The following SUMF1 variants were observed in gnomAD, a reference collection of about 807,000 sequenced individuals.
SUMF1 encodes the protein formylglycine-generating enzyme.
A neutral mutation model predicts 47.6 loss-of-function variants in SUMF1; 48 were observed. The ratio of observed to expected loss-of-function variants is 1.01; its 90% CI spans 0.80 to 1.28. SUMF1 has a LOEUF of 1.28. Ranked by LOEUF, SUMF1 falls within the 50% of genes most tolerant of loss-of-function variation. SUMF1 has a pLI of 0.00. For synonymous variants in SUMF1, 230 were observed against 192.1 expected, an observed-to-expected ratio of 1.20 and a Z score of -1.63; for missense variants, 571 against 485.4, an observed-to-expected ratio of 1.18 and a Z score of -1.66.
chr3:4,139,590 A>G (rs1042046701), intron 8 of SUMF1, among the ~76,000 whole-genome samples: 7 of 149,376 alleles, frequency 4.7e-5, no homozygotes, highest in African/African-American at 1.0e-4. Context: ...GTATATATAT[A>G]CACACACACA....
intron 8 of SUMF1, among the ~76,000 whole-genome samples, chr3:4,232,440 G>A (rs920276982): frequency 6.6e-6 from 1 of 152,070 alleles, no homozygotes; most frequent in Non-Finnish European, 1.5e-5. Flanking sequence ...AGTCCCCTGT[G>A]AGCCAAGAGA....
At chr3:4,456,745 CAT>C (rs1306983709) in intron 1 of SUMF1, among the ~76,000 whole-genome samples, 1 of 12,596 alleles carries the variant, frequency 7.9e-5, no homozygotes, top group East Asian at 1.2e-3. Context: ...TATATACACA[CAT>C]ATATACGTGT....
At chr3:4,161,196 G>C (rs1425110988) in intron 8 of SUMF1, among the ~76,000 whole-genome samples, 1 of 152,104 alleles carries the variant, frequency 6.6e-6, no homozygotes, top group African/African-American at 2.4e-5. Context: ...CTCTCTTTGT[G>C]CTGTGCTGCC....
intron 8 of SUMF1, among the ~76,000 whole-genome samples, chr3:4,283,320 A>C (rs1697565793): frequency 6.6e-6 from 1 of 152,212 alleles, no homozygotes; most frequent in Non-Finnish European, 1.5e-5. Context: ...ATTGTTGTTA[A>C]AAAAGAACTA....
At chr3:4,175,698 G>A (rs1213115910) in intron 8 of SUMF1, among the ~76,000 whole-genome samples, 1 of 152,148 alleles carries the variant, frequency 6.6e-6, no homozygotes, top group Non-Finnish European at 1.5e-5. Flanking sequence ...TTGACAGGAT[G>A]ACAGAAGTAG....
At chr3:4,280,814 CGTGTGTGTGTGTGTGT>C (rs56919301) in intron 8 of SUMF1, among the ~76,000 whole-genome samples, 7,288 of 138,012 alleles carry the variant, frequency 0.053, 346 homozygotes, top group East Asian at 0.22. Context: ...TGGCATTCAC[CGTGTGTGTGTGTGTGT>C]GTGTGTGTGT....
At chr3:4,357,030 G>A (rs1381936391), downstream of SUMF1, among the ~76,000 whole-genome samples, 2 of 152,118 alleles carry the variant, frequency 1.3e-5, no homozygotes, top group Non-Finnish European at 2.9e-5. Flanking sequence ...CAAAGACACT[G>A]CCCACCTTAA....
At chr3:4,196,299 T>C (rs1574969085) in intron 8 of SUMF1, among the ~76,000 whole-genome samples, 1 of 152,092 alleles carries the variant, frequency 6.6e-6, no homozygotes, top group South Asian at 2.1e-4. Context: ...GTGGTACTTA[T>C]TGAGGAGTCT....
Position 4,242,649 on chromosome 3 carries a change from T to C in SUMF1, c.1014+133681A>G, listed in dbSNP as rs6776676. On this transcript the variant is annotated intron_variant and NMD_transcript_variant, in intron 8 of 12. Transcript: ENST00000448413. The stretch of plus-strand genomic sequence containing the variant: ...CACTTGATCATGGTGGATAAGCTTT[T>C]TGATGTGCTGCTGGATTCAGTTTGC... Among the ~76,000 whole-genome samples, 452 of 152,320 alleles carry C rather than the reference T, an allele frequency of 3.0e-3. 5 individuals carry two copies. The highest frequency in any genetic ancestry group is 0.01 in the African/African-American group (427 of 41,568).
intron 6 of SUMF1, among the ~76,000 whole-genome samples, chr3:4,416,463 G>A (rs200521304): frequency 1.3e-5 from 2 of 152,182 alleles, no homozygotes; most frequent in East Asian, 3.8e-4. Flanking sequence ...TTTAAATACT[G>A]TATCCAGTCT....
At chr3:4,303,993 T>C in intron 8 of SUMF1, 1 of 536,562 alleles carries the variant, frequency 1.9e-6, no homozygotes, top group Non-Finnish European at 2.8e-6. Context: ...GTAAATTAGC[T>C]GTGGCTCAGC....
At chr3:4,446,039 T>A (rs1321690305) in intron 3 of SUMF1, among the ~76,000 whole-genome samples, 1 of 152,232 alleles carries the variant, frequency 6.6e-6, no homozygotes, top group Non-Finnish European at 1.5e-5. Context: ...AATCAAGCAT[T>A]TATCCTATCT....
chr3:4,368,547 T>C (rs1700061111), intron 8 of SUMF1, among the ~76,000 whole-genome samples: 1 of 152,142 alleles, frequency 6.6e-6, no homozygotes, highest in South Asian at 2.1e-4. Context: ...CGTATGTTTA[T>C]TGCGGCACTA....
At chr3:4,211,173 C>CAT (rs1189095905) in intron 8 of SUMF1, among the ~76,000 whole-genome samples, 1 of 107,074 alleles carries the variant, frequency 9.3e-6, no homozygotes, top group African/African-American at 3.6e-5. Flanking sequence ...TATATACACA[C>CAT]ATATATATAC....
intron 8 of SUMF1, among the ~76,000 whole-genome samples, chr3:4,236,651 T>C (rs1696416744): frequency 6.6e-6 from 1 of 152,022 alleles, no homozygotes; most frequent in Non-Finnish European, 1.5e-5. Flanking sequence ...CACAGCAAAA[T>C]TGTGCAGAAA....
intron 3 of SUMF1, among the ~76,000 whole-genome samples, chr3:4,428,823 C>T (rs185641010): frequency 2.5e-4 from 38 of 152,188 alleles, no homozygotes; most frequent in African/African-American, 8.7e-4. Flanking sequence ...TTCATCATTC[C>T]ATTACAAATT....
At chr3:4,084,878 C>A (rs944425168) in intron 8 of SUMF1, among the ~76,000 whole-genome samples, 3 of 152,140 alleles carry the variant, frequency 2.0e-5, no homozygotes, top group Admixed American at 2.0e-4. Flanking sequence ...CTCAGAAGTG[C>A]CAATTTTACG....
chr3:4,059,053 C>A (rs1035663196), intron 9 of SUMF1, among the ~76,000 whole-genome samples: 1 of 152,004 alleles, frequency 6.6e-6, no homozygotes, highest in African/African-American at 2.4e-5. Flanking sequence ...GCATTTGGGA[C>A]AACATACTGG....
At chr3:4,074,359 T>A (rs944769021) in intron 8 of SUMF1, among the ~76,000 whole-genome samples, 3 of 152,158 alleles carry the variant, frequency 2.0e-5, no homozygotes, top group African/African-American at 7.2e-5. Flanking sequence ...GGGAAATTTA[T>A]AGCACTAAAT....
Sources: gnomAD v4.1 joint callset for allele counts (sites outside exome capture counted in the v4.1 genomes callset) on GRCh38, gnomAD v4.1.1 for gene constraint, MANE v1.5 for transcripts, NCBI Gene and HGNC (gene_info 2026-07-23, HGNC 2026-07-21) for gene names.